IPO11: variants seen among roughly 807,000 people sequenced by gnomAD.
IPO11 encodes the protein importin-11.
In IPO11, 66 loss-of-function variants were observed where a neutral mutation model predicts 143.2. That is an observed-to-expected ratio of 0.46 (90% CI 0.38 to 0.57). The LOEUF (loss-of-function observed/expected upper bound fraction) is 0.57. Ranked by LOEUF, IPO11 falls within the 20% of genes least tolerant of loss-of-function variation. The pLI is 0.00. For synonymous variants in IPO11, 385 were observed against 377.8 expected (o/e 1.02, Z -0.22); for missense variants, 1,026 against 1,141.0 (o/e 0.90, Z 1.45).
At chr5:62,455,455 G>A (rs776183603) in intron 5 of IPO11, among the ~76,000 whole-genome samples, 2 of 152,130 alleles carry the variant, frequency 1.3e-5, no homozygotes, top group Non-Finnish European at 2.9e-5. Context: ...CCCAGGAGGC[G>A]GAGGCTGCAG....
intron 1 of IPO11, among the ~76,000 whole-genome samples, chr5:62,436,897 A>G (rs141799916): frequency 6.6e-6 from 1 of 152,330 alleles, no homozygotes; most frequent in East Asian, 1.9e-4. Context: ...TACTTTTATA[A>G]CACTTATTAA....
chr5:62,580,549 C>T (rs752188484), intron 27 of IPO11: 19 of 1,551,402 alleles, frequency 1.2e-5, no homozygotes, highest in Middle Eastern at 1.7e-4. Flanking sequence ...TTTGGGCCTT[C>T]GAGACTGGCT....
chr5:62,491,358 T>A (rs1357369259), intron 15 of IPO11, among the ~76,000 whole-genome samples: 1 of 152,154 alleles, frequency 6.6e-6, no homozygotes, highest in Non-Finnish European at 1.5e-5. Flanking sequence ...TTAAATAAAA[T>A]AGACTCTGAC....
At chr5:62,583,546 A>G (rs1055251741) in intron 27 of IPO11, among the ~76,000 whole-genome samples, 1 of 152,160 alleles carries the variant, frequency 6.6e-6, no homozygotes, top group Non-Finnish European at 1.5e-5. Flanking sequence ...CCATAGTTCT[A>G]TACAGTGGTA....
At chr5:62,602,889 C>T (rs1264505500) in intron 29 of IPO11, among the ~76,000 whole-genome samples, 1 of 152,054 alleles carries the variant, frequency 6.6e-6, no homozygotes, top group Non-Finnish European at 1.5e-5. Context: ...TTTGTAGATC[C>T]GTTTGCCTCA....
At chr5:62,566,091 G>A (rs1743929089) in intron 27 of IPO11, among the ~76,000 whole-genome samples, 1 of 152,160 alleles carries the variant, frequency 6.6e-6, no homozygotes, top group Non-Finnish European at 1.5e-5. Context: ...AGAAACAAAT[G>A]TGTGCATGTG....
At chr5:62,587,163 T>G (rs1185953871) in intron 27 of IPO11, among the ~76,000 whole-genome samples, 1 of 152,002 alleles carries the variant, frequency 6.6e-6, no homozygotes, top group Non-Finnish European at 1.5e-5. Flanking sequence ...ATGGTTTTGT[T>G]GGAGGAGGGC....
intron 12 of IPO11, among the ~76,000 whole-genome samples, chr5:62,487,153 C>T (rs1237482213): frequency 6.6e-6 from 1 of 152,112 alleles, no homozygotes; most frequent in African/African-American, 2.4e-5. Flanking sequence ...CCAAACAAAT[C>T]ATTTTTTTAA....
intron 20 of IPO11, among the ~76,000 whole-genome samples, chr5:62,525,344 A>G (rs1270718567): frequency 4.3e-5 from 5 of 115,096 alleles, no homozygotes; most frequent in Non-Finnish European, 8.4e-5. Context: ...TTCTGTGTCA[A>G]ATCCTCCCAT....
intron 10 of IPO11, among the ~76,000 whole-genome samples, 169 bp from the exon 11 acceptor site, chr5:62,483,841 G>A (rs1746301843): frequency 1.3e-5 from 2 of 152,220 alleles, no homozygotes; most frequent in South Asian, 2.1e-4. Context: ...TGATGTGAGT[G>A]TGTTGTAAGG....
intron 18 of IPO11, among the ~76,000 whole-genome samples, 155 bp from the exon 19 acceptor site, chr5:62,506,086 C>T (rs1211201027): frequency 2.0e-5 from 3 of 152,068 alleles, no homozygotes; most frequent in Non-Finnish European, 2.9e-5. Flanking sequence ...GCAGCTTGAA[C>T]GATTTCAGGT....
chr5:62,594,348 G>T (rs184449341), intron 28 of IPO11, among the ~76,000 whole-genome samples: 128 of 152,300 alleles, frequency 8.4e-4, no homozygotes, highest in African/African-American at 2.8e-3. Context: ...GAAATCACCA[G>T]TGGACCTCCA....
chr5:62,508,662 C>T (rs915317330), intron 19 of IPO11, among the ~76,000 whole-genome samples: 1 of 140,824 alleles, frequency 7.1e-6, no homozygotes, highest in Non-Finnish European at 1.6e-5. Flanking sequence ...AGGTTTGTTA[C>T]GTAGGTATAC....
intron 29 of IPO11, among the ~76,000 whole-genome samples, chr5:62,612,540 A>G (rs1745962392): frequency 6.6e-6 from 1 of 152,238 alleles, no homozygotes; most frequent in Non-Finnish European, 1.5e-5. Context: ...TTTAAGCCAC[A>G]CATTAGATTT....
At chr5:62,560,034 T>C (rs978393021) in intron 26 of IPO11, among the ~76,000 whole-genome samples, 1 of 151,922 alleles carries the variant, frequency 6.6e-6, no homozygotes, top group Non-Finnish European at 1.5e-5. Flanking sequence ...AGGTTTATTA[T>C]ATTTTATAGG....
chr5:62,474,305 G>A (rs766024933), intron 7 of IPO11, 111 bp from the exon 8 acceptor site: 5 of 611,466 alleles, frequency 8.2e-6, no homozygotes, highest in Non-Finnish European at 1.4e-5. Context: ...ATTTTTCTTC[G>A]GCTAATTTTT....
intron 5 of IPO11, among the ~76,000 whole-genome samples, chr5:62,463,970 C>A (rs377404062): frequency 6.6e-6 from 1 of 150,432 alleles, no homozygotes; most frequent in East Asian, 2.0e-4. Context: ...ATTACAGGCA[C>A]GTGCCACCAC....
chr5:62,549,107 GTTT>G (rs1300320150), intron 24 of IPO11, among the ~76,000 whole-genome samples: 2 of 123,742 alleles, frequency 1.6e-5, no homozygotes, highest in African/African-American at 6.0e-5. Flanking sequence ...TTTGTTTTTT[GTTT>G]TTTCAAAAAA....
chr5:62,613,301 T>C (rs916712716), intron 29 of IPO11, among the ~76,000 whole-genome samples: 5 of 137,480 alleles, frequency 3.6e-5, no homozygotes, highest in Non-Finnish European at 7.7e-5. Context: ...TGCTCTTCTT[T>C]TTTTTTTTTT....
Sources: allele counts gnomAD v4.1 joint callset (sites outside exome capture counted in the v4.1 genomes callset), GRCh38; gene constraint gnomAD v4.1.1; transcripts MANE v1.5; gene names NCBI Gene and HGNC (gene_info 2026-07-23, HGNC 2026-07-21).